The following ATRNL1 variants were observed in gnomAD, a reference collection of about 807,000 sequenced individuals.
ATRNL1 encodes attractin-like protein 1.
ATRNL1 carries 95 observed loss-of-function variants against 182.7 expected under a neutral mutation model. The observed-to-expected ratio is 0.52, with a 90% confidence interval of 0.44 to 0.62. The LOEUF (loss-of-function observed/expected upper bound fraction) is 0.62. Among genes scored for constraint, ATRNL1 ranks in the 20% least tolerant of loss-of-function variants. ATRNL1 has a pLI of 0.00. For synonymous variants in ATRNL1, 576 were observed against 568.3 expected (o/e 1.01, Z -0.19); for missense variants, 1,471 against 1,679.5 (o/e 0.88, Z 2.17).
At chr10:115,569,591 A>G (rs1375558823) in intron 26 of ATRNL1, among the ~76,000 whole-genome samples, 1 of 152,156 alleles carries the variant, frequency 6.6e-6, no homozygotes, top group Non-Finnish European at 1.5e-5. Flanking sequence ...AATATTATCC[A>G]GTGTTCAAGG....
At chr10:115,741,418 T>G (rs1384639874) in intron 27 of ATRNL1, among the ~76,000 whole-genome samples, 1 of 151,860 alleles carries the variant, frequency 6.6e-6, no homozygotes, top group Non-Finnish European at 1.5e-5. Flanking sequence ...GAAAACAGGG[T>G]GGTATGTGAG....
intron 27 of ATRNL1, among the ~76,000 whole-genome samples, chr10:115,789,231 A>G (rs1272352757): frequency 6.6e-6 from 1 of 152,200 alleles, no homozygotes; most frequent in Non-Finnish European, 1.5e-5. Context: ...TTACCCAAGT[A>G]TTTATCCCAT....
chr10:115,719,850 C>T (rs1947365935), intron 26 of ATRNL1, among the ~76,000 whole-genome samples: 1 of 148,312 alleles, frequency 6.7e-6, no homozygotes, highest in Non-Finnish European at 1.5e-5. Flanking sequence ...CTATCCACCC[C>T]CCCACACACT....
At chr10:115,616,596 A>C (rs1237574928) in intron 26 of ATRNL1, among the ~76,000 whole-genome samples, 1 of 152,196 alleles carries the variant, frequency 6.6e-6, no homozygotes, top group Non-Finnish European at 1.5e-5. Flanking sequence ...AAGAGGAAAG[A>C]ATGCTTCCAT....
At chr10:115,806,033 T>C (rs1303789450) in intron 27 of ATRNL1, among the ~76,000 whole-genome samples, 1 of 152,134 alleles carries the variant, frequency 6.6e-6, no homozygotes, top group Admixed American at 6.5e-5. Flanking sequence ...GTTTATACAG[T>C]CTCTTGCTTT....
intron 28 of ATRNL1, among the ~76,000 whole-genome samples, chr10:115,927,214 A>C (rs782675180): frequency 6.6e-6 from 1 of 152,144 alleles, no homozygotes. Context: ...AAAATTCAAC[A>C]TCCCTTCATG....
At chr10:115,404,907 C>T (rs925900919) in intron 20 of ATRNL1, among the ~76,000 whole-genome samples, 1 of 148,152 alleles carries the variant, frequency 6.7e-6, no homozygotes, top group African/African-American at 2.5e-5. Flanking sequence ...TTGATTATTA[C>T]ATTCACATAA....
At chr10:115,738,260 C>T (rs61880483) in intron 27 of ATRNL1, among the ~76,000 whole-genome samples, 142,606 of 150,004 alleles carry the variant, frequency 0.95, 68,194 homozygotes, top group East Asian at 1. Context: ...TGCCTCAGCC[C>T]CAGTCTGTAG....
intron 3 of ATRNL1, among the ~76,000 whole-genome samples, chr10:115,125,702 C>A (rs1844941501): frequency 6.6e-6 from 1 of 152,158 alleles, no homozygotes; most frequent in Non-Finnish European, 1.5e-5. Context: ...TTTGGAGGGC[C>A]TAACTTTAGG....
intron 28 of ATRNL1, among the ~76,000 whole-genome samples, chr10:115,895,504 C>T (rs1952183897): frequency 6.6e-6 from 1 of 152,222 alleles, no homozygotes; most frequent in Non-Finnish European, 1.5e-5. Flanking sequence ...TTGACTATGA[C>T]TCCTTCATCT....
intron 28 of ATRNL1, among the ~76,000 whole-genome samples, chr10:115,905,171 G>C (rs1258767494): frequency 6.6e-6 from 1 of 152,190 alleles, no homozygotes; most frequent in Admixed American, 6.5e-5. Flanking sequence ...CTGTAGCAGA[G>C]ATTGAGTGCT....
chr10:115,454,620 G>A (rs1173842271), intron 21 of ATRNL1, among the ~76,000 whole-genome samples: 4 of 151,834 alleles, frequency 2.6e-5, no homozygotes, highest in African/African-American at 4.8e-5. Context: ...ATTCTCTTTG[G>A]TTAAGTTTAT....
chr10:115,886,676 A>G (rs1254523598), intron 28 of ATRNL1, among the ~76,000 whole-genome samples: 2 of 152,238 alleles, frequency 1.3e-5, no homozygotes, highest in African/African-American at 4.8e-5. Context: ...AAGAGCCACT[A>G]TGTAATTTCA....
At chr10:115,727,493 C>G in intron 27 of ATRNL1, 138 bp downstream of exon 27, 1 of 661,498 alleles carries the variant, frequency 1.5e-6, no homozygotes, top group Non-Finnish European at 2.6e-6. Flanking sequence ...TATGTTATGC[C>G]ATTTTCAAGG....
intron 19 of ATRNL1, among the ~76,000 whole-genome samples, chr10:115,376,222 A>C (rs1554949488): frequency 6.6e-6 from 1 of 151,988 alleles, no homozygotes. Flanking sequence ...TAATAGCCTA[A>C]TGGAGATTCC....
rs537971165 is a variant in ATRNL1, at chr10:115,338,093, A to G, written c.3175+3674A>G. On this transcript the variant is annotated intron_variant, in intron 19 of 28. Coordinates refer to ENST00000355044, the MANE Select transcript of ATRNL1 (RefSeq NM_207303.4). ...TTCTGCTGTGCAGCCGGTTCCTGAC[A>G]GGAAATAGACTGGTACCAGTCCATA... Among the ~76,000 whole-genome samples, 9 of 152,242 alleles carry G rather than the reference A, an allele frequency of 5.9e-5. No homozygotes were observed. The South Asian group carries it at 1.9e-3, about 32-fold the overall frequency.
chr10:115,647,913 A>G (rs11197373), intron 26 of ATRNL1, among the ~76,000 whole-genome samples: 75,449 of 151,878 alleles, frequency 0.5, 19,627 homozygotes, highest in East Asian at 0.84. Flanking sequence ...TTCTTCTAGG[A>G]TTTTTATGGT....
intron 26 of ATRNL1, among the ~76,000 whole-genome samples, chr10:115,645,286 T>TA (rs397846403): frequency 3.4e-4 from 51 of 151,300 alleles, no homozygotes; most frequent in Middle Eastern, 3.4e-3. Context: ...TCATTTTTTT[T>TA]AAAAAAAGTA....
chr10:115,283,844 G>GA (rs1852484236), intron 14 of ATRNL1, among the ~76,000 whole-genome samples: 2 of 151,994 alleles, frequency 1.3e-5, no homozygotes, highest in Non-Finnish European at 2.9e-5. Flanking sequence ...CATTCCCTAG[G>GA]AAAAAAATGT....
Sources: allele counts gnomAD v4.1 joint callset (sites outside exome capture counted in the v4.1 genomes callset), GRCh38; gene constraint gnomAD v4.1.1; transcripts MANE v1.5; gene names NCBI Gene and HGNC (gene_info 2026-07-23, HGNC 2026-07-21).